SNX29: variants seen among roughly 807,000 people sequenced by gnomAD.
The protein encoded by SNX29 is sorting nexin 29, also known as sorting nexin-29.
A neutral mutation model predicts 102.1 loss-of-function variants in SNX29; 78 were observed. The ratio of observed to expected loss-of-function variants is 0.76; its 90% CI spans 0.64 to 0.92. The LOEUF is 0.92. Among genes scored for constraint, SNX29 ranks in the 40% least tolerant of loss-of-function variants. The probability of loss-of-function intolerance (pLI) is 0.00; values close to 1 mark genes in which losing one functional copy is unlikely to be tolerated. For missense variants in SNX29, 1,280 were observed against 1,061.7 expected, an observed-to-expected ratio of 1.21 and a Z score of -2.86; for synonymous variants, 580 against 414.5, an observed-to-expected ratio of 1.40 and a Z score of -4.85.
chr16:12,494,936 GC>G (rs1436431959), intron 19 of SNX29, among the ~76,000 whole-genome samples: 1 of 152,186 alleles, frequency 6.6e-6, no homozygotes, highest in African/African-American at 2.4e-5. Context: ...CTAACTGCAT[GC>G]CAGGCAGGGT....
At chr16:12,449,996 C>G (rs967906123) in intron 18 of SNX29, among the ~76,000 whole-genome samples, 3 of 152,128 alleles carry the variant, frequency 2.0e-5, no homozygotes, top group African/African-American at 7.2e-5. Context: ...GGCGGTTCCC[C>G]CATACTGTTG....
chr16:12,549,160 T>G (rs2077801712), intron 20 of SNX29, among the ~76,000 whole-genome samples: 2 of 152,152 alleles, frequency 1.3e-5, no homozygotes, highest in South Asian at 4.1e-4. Flanking sequence ...GTTATCACAT[T>G]TGCTGTTCAT....
At chr16:12,539,924 T>G (rs959732079) in intron 20 of SNX29, among the ~76,000 whole-genome samples, 25 of 152,234 alleles carry the variant, frequency 1.6e-4, no homozygotes, top group Admixed American at 1.2e-3. Flanking sequence ...TGGGAGTTCT[T>G]TGTATATGTT....
chr16:12,201,429 T>C (rs533075032), intron 14 of SNX29, among the ~76,000 whole-genome samples: 38 of 152,360 alleles, frequency 2.5e-4, no homozygotes, highest in African/African-American at 7.9e-4. Flanking sequence ...TTTGACTCAG[T>C]AACCTTGTGA....
intron 14 of SNX29, among the ~76,000 whole-genome samples, chr16:12,266,565 A>T (rs1038648428): frequency 6.6e-6 from 1 of 152,066 alleles, no homozygotes; most frequent in Admixed American, 6.6e-5. Context: ...TGCAAAATGA[A>T]ATAATATATA....
At chr16:12,219,447 ACT>A (rs992624096) in intron 14 of SNX29, among the ~76,000 whole-genome samples, 7 of 152,058 alleles carry the variant, frequency 4.6e-5, no homozygotes, top group Admixed American at 2.0e-4. Flanking sequence ...GTCCTGTTCT[ACT>A]CTGTTTTAGC....
intron 20 of SNX29, among the ~76,000 whole-genome samples, chr16:12,545,217 C>A (rs578102764): frequency 6.6e-6 from 1 of 152,186 alleles, no homozygotes; most frequent in Admixed American, 6.5e-5. Flanking sequence ...GTGGGGCAGG[C>A]AATGACAGGG....
chr16:12,133,936 T>C (rs537547049), intron 13 of SNX29, among the ~76,000 whole-genome samples: 55 of 152,300 alleles, frequency 3.6e-4, no homozygotes, highest in African/African-American at 1.3e-3. Context: ...CAGCATTTGA[T>C]TACACATTCC....
chr16:12,403,658 C>T, intron 18 of SNX29, 129 bp downstream of exon 18: 1 of 861,014 alleles, frequency 1.2e-6, no homozygotes, highest in Non-Finnish European at 1.8e-6. Flanking sequence ...CAGACACCCA[C>T]ATCTTAACTG....
intron 14 of SNX29, among the ~76,000 whole-genome samples, chr16:12,249,689 G>A (rs757523255): frequency 3.5e-4 from 53 of 152,216 alleles, no homozygotes; most frequent in Non-Finnish European, 6.2e-4. Context: ...TGGGCAAAAT[G>A]AGGTGGAGAG....
intron 15 of SNX29, among the ~76,000 whole-genome samples, chr16:12,288,656 G>C (rs1458621300): frequency 6.7e-6 from 1 of 149,220 alleles, no homozygotes; most frequent in Admixed American, 6.7e-5. Flanking sequence ...TCCAGCCTAG[G>C]TGACAGAGCG....
At chr16:12,303,433 C>T (rs2080244811) in intron 15 of SNX29, among the ~76,000 whole-genome samples, 1 of 152,202 alleles carries the variant, frequency 6.6e-6, no homozygotes, top group African/African-American at 2.4e-5. Flanking sequence ...CAGCTGTGCA[C>T]ATCAGTTTGG....
chr16:12,194,642 TAA>T (rs1287702886), intron 13 of SNX29, among the ~76,000 whole-genome samples: 1 of 127,706 alleles, frequency 7.8e-6, no homozygotes, highest in Non-Finnish European at 1.7e-5. Flanking sequence ...TTTTTTTTTT[TAA>T]GAAGGAATCG....
intron 15 of SNX29, among the ~76,000 whole-genome samples, chr16:12,313,019 C>CT (rs1329032734): frequency 8.3e-5 from 10 of 119,924 alleles, no homozygotes; most frequent in Non-Finnish European, 1.8e-4. Context: ...TTTTTGTTTT[C>CT]TGTTTTTTTT....
At chr16:12,220,366 C>A (rs943464493) in intron 14 of SNX29, among the ~76,000 whole-genome samples, 12 of 151,978 alleles carry the variant, frequency 7.9e-5, no homozygotes, top group Admixed American at 1.3e-4. Context: ...TTCACAGGCA[C>A]AAAAGCCCTG....
intron 15 of SNX29, among the ~76,000 whole-genome samples, chr16:12,278,355 T>C (rs751095979): frequency 2.6e-5 from 4 of 152,286 alleles, no homozygotes; most frequent in Non-Finnish European, 5.9e-5. Flanking sequence ...TGCACCTTTG[T>C]GCTGTTAAAT....
At chr16:12,220,124 C>G (rs558152026) in intron 14 of SNX29, among the ~76,000 whole-genome samples, 1 of 152,190 alleles carries the variant, frequency 6.6e-6, no homozygotes, top group African/African-American at 2.4e-5. Context: ...CCCACCCTTT[C>G]GCCACCGCGC....
intron 15 of SNX29, among the ~76,000 whole-genome samples, chr16:12,307,359 C>T (rs923446194): frequency 6.6e-6 from 1 of 152,158 alleles, no homozygotes; most frequent in South Asian, 2.1e-4. Flanking sequence ...ACAGAGAGAA[C>T]TGTATCCTCC....
chr16:12,501,543 G>A (rs900023911), intron 19 of SNX29, among the ~76,000 whole-genome samples: 2 of 151,998 alleles, frequency 1.3e-5, no homozygotes, highest in Non-Finnish European at 2.9e-5. Flanking sequence ...CCAACGTGAG[G>A]AAACGTCATC....
Sources: gnomAD v4.1 joint callset for allele counts (sites outside exome capture counted in the v4.1 genomes callset) on GRCh38, gnomAD v4.1.1 for gene constraint, MANE v1.5 for transcripts, NCBI Gene and HGNC (gene_info 2026-07-23, HGNC 2026-07-21) for gene names.